Variants in CLSTN2 observed in about 807,000 individuals in gnomAD.
CLSTN2 encodes the protein calsyntenin 2.
CLSTN2 carries 48 observed loss-of-function variants against 101.2 expected under a neutral mutation model. The observed-to-expected ratio is 0.47, with a 90% CI of 0.38 to 0.60. The LOEUF is 0.60. Among genes scored for constraint, CLSTN2 ranks in the 20% least tolerant of loss-of-function variants. CLSTN2 has a pLI of 0.00. For missense variants in CLSTN2, 1,160 were observed against 1,238.2 expected (o/e 0.94, Z 0.95); for synonymous variants, 481 against 463.6 (o/e 1.04, Z -0.48).
intron 2 of CLSTN2, among the ~76,000 whole-genome samples, chr3:140,215,830 A>G (rs2010913526): frequency 6.6e-6 from 1 of 152,258 alleles, no homozygotes; most frequent in African/African-American, 2.4e-5. Flanking sequence ...AGTGCTTGAC[A>G]TATGGTGAGT....
At chr3:140,237,136 T>C (rs1231875035) in intron 2 of CLSTN2, among the ~76,000 whole-genome samples, 2 of 152,172 alleles carry the variant, frequency 1.3e-5, no homozygotes, top group African/African-American at 2.4e-5. Flanking sequence ...TGAAATAATT[T>C]GGTACTTTGT....
intron 1 of CLSTN2, among the ~76,000 whole-genome samples, chr3:139,946,900 C>T (rs1338798311): frequency 6.6e-6 from 1 of 152,186 alleles, no homozygotes; most frequent in African/African-American, 2.4e-5. Flanking sequence ...AGCAGTCTTG[C>T]ATTATAAGAA....
Position 139,978,440 on chromosome 3 carries a change from A to C in CLSTN2, c.109+42957A>C, listed in dbSNP as rs182920771. 2.0e-3 allele frequency among the ~76,000 whole-genome samples: 307 copies of C among 152,310 alleles called. 2 individuals are homozygous for C. Among genetic ancestry groups the C allele is most frequent in the African/African-American group, 7.0e-3 (290 of 41,564 alleles). ...TTAGTCTTATTATTGTTGCATAGAA[A>C]GTACCCAGAGCATAAGAATGATAGA... On this transcript the variant is annotated intron_variant, in intron 1 of 16. Coordinates refer to ENST00000458420, the MANE Select transcript of CLSTN2 (RefSeq NM_022131.3).
At chr3:140,090,487 A>G (rs2008759625) in intron 1 of CLSTN2, among the ~76,000 whole-genome samples, 1 of 152,058 alleles carries the variant, frequency 6.6e-6, no homozygotes, top group African/African-American at 2.4e-5. Flanking sequence ...AAGATCAGTG[A>G]GAAAAAACAA....
chr3:139,938,367 G>GTGCTTCT (rs569803606), intron 1 of CLSTN2, among the ~76,000 whole-genome samples: 3 of 152,232 alleles, frequency 2.0e-5, no homozygotes, highest in African/African-American at 4.8e-5. Flanking sequence ...TTCTGCCTTT[G>GTGCTTCT]TGCTTCTTGC....
chr3:140,556,103 G>A (rs747734906), intron 10 of CLSTN2, among the ~76,000 whole-genome samples: 16 of 152,208 alleles, frequency 1.1e-4, no homozygotes, highest in Non-Finnish European at 2.2e-4. Flanking sequence ...AGATGAATTT[G>A]GGGAGCAGTT....
At chr3:140,220,734 T>TAGTG (rs2086262785) in intron 2 of CLSTN2, among the ~76,000 whole-genome samples, 1 of 152,204 alleles carries the variant, frequency 6.6e-6, no homozygotes, top group Admixed American at 6.5e-5. Flanking sequence ...TCCATGAACT[T>TAGTG]AGTGAAGAGA....
chr3:140,391,735 T>G (rs2107970972), intron 2 of CLSTN2, among the ~76,000 whole-genome samples: 1 of 152,232 alleles, frequency 6.6e-6, no homozygotes, highest in Non-Finnish European at 1.5e-5. Flanking sequence ...GCCAAAAGAC[T>G]TCCACCTTAG....
At chr3:140,511,280 T>A (rs1934807780) in intron 8 of CLSTN2, among the ~76,000 whole-genome samples, 1 of 152,340 alleles carries the variant, frequency 6.6e-6, no homozygotes, top group Non-Finnish European at 1.5e-5. Context: ...GATGGGCATT[T>A]AGATTGATTT....
At chr3:140,337,796 C>T (rs908536933) in intron 2 of CLSTN2, among the ~76,000 whole-genome samples, 1 of 152,222 alleles carries the variant, frequency 6.6e-6, no homozygotes, top group Non-Finnish European at 1.5e-5. Flanking sequence ...ATTTAATCAG[C>T]AATGCCGCCT....
At chr3:140,063,072 T>A (rs958609334) in intron 1 of CLSTN2, among the ~76,000 whole-genome samples, 4 of 152,166 alleles carry the variant, frequency 2.6e-5, no homozygotes, top group Admixed American at 1.3e-4. Context: ...AATTCTGAAG[T>A]AGTGATTAAT....
chr3:140,479,045 A>G (rs1180311199), intron 8 of CLSTN2, among the ~76,000 whole-genome samples: 2 of 152,198 alleles, frequency 1.3e-5, no homozygotes, highest in Admixed American at 1.3e-4. Flanking sequence ...ACTCCCCTCA[A>G]ATCCCTGAGT....
intron 1 of CLSTN2, among the ~76,000 whole-genome samples, chr3:139,979,022 A>C (rs1935868693): frequency 6.6e-6 from 1 of 152,148 alleles, no homozygotes; most frequent in South Asian, 2.1e-4. Flanking sequence ...AAATATTCAA[A>C]AATAGTTCTA....
intron 8 of CLSTN2, among the ~76,000 whole-genome samples, chr3:140,521,013 C>T (rs182458701): frequency 2.6e-5 from 4 of 151,582 alleles, no homozygotes; most frequent in African/African-American, 9.7e-5. Flanking sequence ...CTATCAGCTC[C>T]CATATCGTTT....
rs576776595 is a variant in CLSTN2, at chr3:139,990,274, T to C, written c.109+54791T>C. 4.6e-5 allele frequency among the ~76,000 whole-genome samples: 7 copies of C among 152,212 alleles called. No homozygotes were observed. In the South Asian group the frequency reaches 1.4e-3, roughly 32 times the overall value. ...AGAAGGCATAACTGCTAAAATACCA[T>C]GAAGAAGGCCAGATGGCTGCCATGA... On this transcript the variant is annotated intron_variant, in intron 1 of 16. Transcript: ENST00000458420.
At chr3:140,214,810 T>A (rs1454779664) in intron 2 of CLSTN2, among the ~76,000 whole-genome samples, 4 of 152,200 alleles carry the variant, frequency 2.6e-5, no homozygotes, top group Admixed American at 1.3e-4. Flanking sequence ...ATGAAAGCAA[T>A]CTTTCTTTGA....
intron 1 of CLSTN2, among the ~76,000 whole-genome samples, chr3:140,141,750 T>A (rs2009701070): frequency 6.6e-6 from 1 of 152,160 alleles, no homozygotes; most frequent in African/African-American, 2.4e-5. Context: ...ATAGCATAAC[T>A]CTGTGCATAG....
intron 1 of CLSTN2, among the ~76,000 whole-genome samples, chr3:139,982,101 A>T (rs999761532): frequency 6.6e-6 from 1 of 152,212 alleles, no homozygotes; most frequent in African/African-American, 2.4e-5. Flanking sequence ...GGAGAAGCCA[A>T]ATTTACTGTG....
rs547301885 is a variant in CLSTN2, at chr3:140,071,664, T to C, written c.110-104287T>C. ...GTCTAACACGGTGAAACCCCATCTC[T>C]ACTAAAAATACAAAAAATTAGCCGG... On this transcript the variant is annotated intron_variant, in intron 1 of 16. Transcript: ENST00000458420. Among the ~76,000 whole-genome samples, 1,504 of 152,134 alleles carry C rather than the reference T, an allele frequency of 9.9e-3. 15 individuals are homozygous for C. Among genetic ancestry groups the C allele is most frequent in the Middle Eastern group, 0.037 (11 of 294 alleles).
Sources: allele counts gnomAD v4.1 joint callset (sites outside exome capture counted in the v4.1 genomes callset), GRCh38; gene constraint gnomAD v4.1.1; transcripts MANE v1.5; gene names NCBI Gene and HGNC (gene_info 2026-07-23, HGNC 2026-07-21).